The following PHF20 variants were observed in gnomAD, a reference collection of about 807,000 sequenced individuals.
PHF20 encodes PHD finger protein 20, also known as glioma-expressed antigen 2.
A neutral mutation model predicts 113.5 loss-of-function variants in PHF20; 23 were observed. That is an observed-to-expected ratio of 0.20 (90% confidence interval 0.15 to 0.29). The LOEUF (loss-of-function observed/expected upper bound fraction) is 0.29, where lower values mean the gene tolerates loss of function less well. Ranked by LOEUF, PHF20 falls within the 10% of genes least tolerant of loss-of-function variation. The probability of loss-of-function intolerance (pLI) is 1.00; values close to 1 mark genes in which losing one functional copy is unlikely to be tolerated. For missense variants in PHF20, 943 were observed against 1,219.6 expected (o/e 0.77, Z 3.38); for synonymous variants, 434 against 457.3 (o/e 0.95, Z 0.65).
chr20:35,772,266 G>T (rs2146816008), intron 1 of PHF20, among the ~76,000 whole-genome samples, 187 bp downstream of exon 1: 1 of 151,824 alleles, frequency 6.6e-6, no homozygotes, highest in East Asian at 1.9e-4. Context: ...TGCTGAGAGC[G>T]TGGCGGGCGT....
intron 1 of PHF20, among the ~76,000 whole-genome samples, chr20:35,792,297 C>G (rs1228821219): frequency 6.6e-6 from 1 of 152,058 alleles, no homozygotes; most frequent in Non-Finnish European, 1.5e-5. Context: ...AAGCAATTCT[C>G]CTGCCTCAGC....
rs763444388 is a variant in PHF20 at position 35,871,781 on chromosome 20, G to A, written c.1234G>A (p.Glu412Lys). Residue 412 changes from glutamate to lysine, a missense_variant, in exon 9 of 18, where the codon GAA (glutamate) becomes AAA (lysine). Physicochemically the swap from Glu to Lys is moderately conservative, Grantham distance 56. This residue lies in a region of PHF20 where 592 missense variants were observed against 787.2 expected (regional missense o/e 0.75). Transcript: ENST00000374012. ...AATGGGAGAAAACACGATGAAAACA[G>A]AACCGACTTCTCCCCTTGTGGAATT... ...PSMGENTMKT[E>K]PTSPLVELQE... The A allele has an allele frequency of 1.9e-6, 3 of 1,613,016 alleles. No individual in the cohort carries two copies. Among genetic ancestry groups the A allele is most frequent in the Non-Finnish European group, 2.5e-6 (3 of 1,179,430 alleles).
At chr20:35,778,040 G>A (rs2041209780) in intron 1 of PHF20, among the ~76,000 whole-genome samples, 1 of 151,782 alleles carries the variant, frequency 6.6e-6, no homozygotes. Context: ...GAAATAATAG[G>A]GAGGATGTTT....
chr20:35,779,986 T>C (rs1048662590), intron 1 of PHF20, among the ~76,000 whole-genome samples: 3 of 152,202 alleles, frequency 2.0e-5, no homozygotes, highest in Non-Finnish European at 4.4e-5. Context: ...TATCCTGTCC[T>C]AACAGAGGAG....
chr20:35,884,642 T>C (rs1365299655), intron 9 of PHF20, among the ~76,000 whole-genome samples: 3 of 152,168 alleles, frequency 2.0e-5, no homozygotes, highest in African/African-American at 7.2e-5. Flanking sequence ...GTTTTTATTT[T>C]GAAATAATTT....
At chr20:35,886,139 CTTT>C (rs199904992) in intron 9 of PHF20, among the ~76,000 whole-genome samples, 7 of 137,442 alleles carry the variant, frequency 5.1e-5, no homozygotes, top group Admixed American at 2.2e-4. Flanking sequence ...TCAGTAAATA[CTTT>C]TTTTTTTTTT....
intron 9 of PHF20, among the ~76,000 whole-genome samples, chr20:35,891,483 A>G (rs928792441): frequency 1.3e-5 from 2 of 152,222 alleles, no homozygotes; most frequent in African/African-American, 4.8e-5. Context: ...TACAGGATCC[A>G]TAAAATACTT....
rs183448038 is a variant in PHF20 at position 35,843,518 on chromosome 20, T to C, written c.255+774T>C. ...GCCCGGGTGACAGAGTGATATTCCATCTCAAAAAAAAAAAAAAAAAAAAAA... is the reference window on the plus strand; with the variant it reads ...GCCCGGGTGACAGAGTGATATTCCACCTCAAAAAAAAAAAAAAAAAAAAAA... On this transcript the variant is annotated intron_variant, in intron 3 of 17. Transcript: ENST00000374012. 1.8e-3 allele frequency among the ~76,000 whole-genome samples: 222 copies of C among 121,076 alleles called. 1 individual carries two copies. The highest frequency in any genetic ancestry group is 6.7e-3 in the African/African-American group (209 of 31,034). 79.4% of individuals were successfully genotyped at this position (121,076 alleles called of 152,430 possible).
intron 9 of PHF20, among the ~76,000 whole-genome samples, chr20:35,879,968 G>A (rs564781175): frequency 6.6e-6 from 1 of 152,156 alleles, no homozygotes; most frequent in South Asian, 2.1e-4. Flanking sequence ...CTCCAGAGCT[G>A]TGACAGAGTG....
chr20:35,866,601 G>T (rs2054324602), intron 6 of PHF20, among the ~76,000 whole-genome samples: 1 of 152,144 alleles, frequency 6.6e-6, no homozygotes, highest in African/African-American at 2.4e-5. Flanking sequence ...AATGTAAACT[G>T]GCAGAAATCT....
At chr20:35,852,513 A>G (rs926112631) in intron 4 of PHF20, among the ~76,000 whole-genome samples, 2 of 152,164 alleles carry the variant, frequency 1.3e-5, no homozygotes, top group Non-Finnish European at 2.9e-5. Context: ...TGCTAAGAAG[A>G]AAATACTTAG....
intron 1 of PHF20, among the ~76,000 whole-genome samples, chr20:35,794,670 C>T (rs568189620): frequency 2.6e-5 from 4 of 152,144 alleles, no homozygotes; most frequent in East Asian, 1.9e-4. Context: ...CTTTTTTCCT[C>T]GAAAGTTCCA....
rs376477234 is a variant in PHF20, at chr20:35,864,407, AACACACACACACACACAC to A, written c.808+1035_808+1052del. On this transcript the variant is annotated intron_variant, in intron 6 of 17. Coordinates refer to ENST00000374012, the MANE Select transcript of PHF20 (RefSeq NM_016436.5). ...ACAATGTAGTGACACCCCATCTCAA[AACACACACACACACACAC>A]ACACACACACACACACACACACACA... 1.3e-4 allele frequency among the ~76,000 whole-genome samples: 17 copies of A among 132,530 alleles called. 1 individual carries two copies. The highest frequency in any genetic ancestry group is 2.9e-4 in the African/African-American group (10 of 35,064). 86.9% of individuals were successfully genotyped at this position (132,530 alleles called of 152,430 possible). A position where few individuals can be genotyped will look rare whatever the true frequency, so the allele number is the denominator to read the frequency against.
chr20:35,850,296 G>GTTTTTTTTTTTTTTTTT lies in PHF20; in HGVS notation c.340+2875_340+2891dup, dbSNP rs554100863. Among the ~76,000 whole-genome samples the GTTTTTTTTTTTTTTTTT allele has an allele frequency of 3.4e-4, 21 of 62,356 alleles. 3 individuals are homozygous for GTTTTTTTTTTTTTTTTT. The highest frequency in any genetic ancestry group is 6.0e-4 in the Admixed American group (3 of 5,020). The allele number at this position is 62,356 out of a possible 152,430, so 40.9% of individuals were successfully genotyped here. ...CTGGGGCTGCTTAGCTTCCCCCTCC[G>GTTTTTTTTTTTTTTTTT]TTTTTTTTTTTTTTTTTTTTTTTTT... is the stretch of plus-strand genomic sequence containing the variant. On this transcript the variant is annotated intron_variant, in intron 4 of 17. Coordinates refer to ENST00000374012, the MANE Select transcript of PHF20 (RefSeq NM_016436.5).
At chr20:35,893,728 C>T (rs979586158) in intron 9 of PHF20, among the ~76,000 whole-genome samples, 1 of 152,134 alleles carries the variant, frequency 6.6e-6, no homozygotes, top group Non-Finnish European at 1.5e-5. Context: ...GATTCTCCTG[C>T]CTCAGCCCCC....
At chr20:35,929,416 G>T (rs1287015847) in intron 14 of PHF20, among the ~76,000 whole-genome samples, 2 of 152,340 alleles carry the variant, frequency 1.3e-5, no homozygotes, top group African/African-American at 4.8e-5. Context: ...GATTTGACAG[G>T]TGAACAAACA....
chr20:35,797,550 A>C (rs1194307728), intron 1 of PHF20, among the ~76,000 whole-genome samples: 1 of 151,234 alleles, frequency 6.6e-6, no homozygotes, highest in Non-Finnish European at 1.5e-5. Flanking sequence ...AAGAAACATA[A>C]AGAAGCAACC....
intron 2 of PHF20, among the ~76,000 whole-genome samples, chr20:35,823,263 A>T (rs1362437333): frequency 6.6e-6 from 1 of 152,010 alleles, no homozygotes; most frequent in African/African-American, 2.4e-5. Flanking sequence ...TTCAGAATAC[A>T]GTTGAGTTTT....
intron 17 of PHF20, among the ~76,000 whole-genome samples, chr20:35,944,006 T>C (rs2147136847): frequency 6.6e-6 from 1 of 152,332 alleles, no homozygotes; most frequent in South Asian, 2.1e-4. Flanking sequence ...GATTATTTTC[T>C]TAAATAAAAA....
Sources: gnomAD v4.1 joint callset for allele counts (sites outside exome capture counted in the v4.1 genomes callset) on GRCh38, gnomAD v4.1.1 for gene constraint, gnomAD v4.1.1 regional missense constraint, MANE v1.5 for transcripts, NCBI Gene and HGNC (gene_info 2026-07-23, HGNC 2026-07-21) for gene names.